The following SEMA3D variants were observed in gnomAD, a reference collection of about 807,000 sequenced individuals.
SEMA3D encodes semaphorin-3D.
SEMA3D carries 84 observed loss-of-function variants against 100.1 expected under a neutral mutation model. The observed-to-expected ratio is 0.84, with a 90% confidence interval of 0.70 to 1.01. The LOEUF is 1.01. SEMA3D is among the 50% of genes least tolerant of loss of function. The pLI is 0.00. For synonymous variants in SEMA3D, 312 were observed against 320.7 expected, an observed-to-expected ratio of 0.97 and a Z score of 0.29; for missense variants, 875 against 934.1, an observed-to-expected ratio of 0.94 and a Z score of 0.82.
intron 1 of SEMA3D, 40 bp downstream of exon 1, chr7:85,186,638 C>A (rs540828925): frequency 6.5e-6 from 1 of 152,710 alleles, no homozygotes; most frequent in Admixed American, 6.5e-5. Flanking sequence ...CTCCAGCACA[C>A]CCTCCCACTG....
intron 9 of SEMA3D, among the ~76,000 whole-genome samples, chr7:85,044,289 C>G (rs1292303708): frequency 6.6e-6 from 1 of 151,954 alleles, no homozygotes; most frequent in Non-Finnish European, 1.5e-5. Context: ...AGAAAGGAAA[C>G]CAGAGACCAG....
chr7:85,146,642 C>T lies in SEMA3D; in HGVS notation c.-41+6966G>A, dbSNP rs191207335. Among the ~76,000 whole-genome samples the T allele has an allele frequency of 1.0e-3, 159 of 151,430 alleles. 1 individual carries two copies. The highest frequency in any genetic ancestry group is 3.6e-3 in the African/African-American group (148 of 41,284). On this transcript the variant is annotated intron_variant, in intron 2 of 18. Transcript: ENST00000284136. ...GGTAAAAAGAAATAAGTCATATTTT[C>T]GAAAGAAAATAAAAACTAGCCTAAT...
At position 85,072,101 on chromosome 7, in the gene SEMA3D, A is replaced by T. The variant is rs573618114; in HGVS notation, c.495+861T>A. Among the ~76,000 whole-genome samples, 3 of 152,332 alleles carry T rather than the reference A, an allele frequency of 2.0e-5. No homozygotes were observed. The East Asian group carries it at 5.8e-4, about 29-fold the overall frequency. ...ACTGGCTTTATTAAGAGTGTTGTGA[A>T]ATTCCAAAGCAATAATCCATGTGAA... is the stretch of plus-strand genomic sequence containing the variant. On this transcript the variant is annotated intron_variant, in intron 6 of 18. Coordinates refer to ENST00000284136, the MANE Select transcript of SEMA3D (RefSeq NM_001384900.1).
chr7:85,174,204 G>C (rs1271090258), intron 1 of SEMA3D, among the ~76,000 whole-genome samples: 1 of 152,124 alleles, frequency 6.6e-6, no homozygotes, highest in Non-Finnish European at 1.5e-5. Flanking sequence ...GTTTGATACT[G>C]TAAGGATATG....
At chr7:85,225,819 T>G in the SEMA3D span, among the ~76,000 whole-genome samples, 1 of 152,158 alleles carries the variant, frequency 6.6e-6, no homozygotes. Flanking sequence ...CACTCCCCAT[T>G]GCATCCGGCC....
At chr7:85,120,987 T>C (rs770037392) in intron 3 of SEMA3D, among the ~76,000 whole-genome samples, 2 of 152,150 alleles carry the variant, frequency 1.3e-5, no homozygotes, top group Non-Finnish European at 2.9e-5. Context: ...GTCTATAAAA[T>C]GTGATCTTAA....
chr7:85,169,155 C>G (rs1482031047), intron 1 of SEMA3D, among the ~76,000 whole-genome samples: 1 of 151,644 alleles, frequency 6.6e-6, no homozygotes, highest in Non-Finnish European at 1.5e-5. Flanking sequence ...AATAAATATT[C>G]TGAAACTGAC....
intron 2 of SEMA3D, among the ~76,000 whole-genome samples, chr7:85,144,085 T>C (rs965438163): frequency 1.3e-5 from 2 of 152,156 alleles, no homozygotes; most frequent in African/African-American, 4.8e-5. Flanking sequence ...AATTCTTATA[T>C]ATTTAATCCA....
chr7:85,121,225 T>C (rs1789405326), intron 3 of SEMA3D, among the ~76,000 whole-genome samples: 1 of 152,194 alleles, frequency 6.6e-6, no homozygotes, highest in Non-Finnish European at 1.5e-5. Context: ...ATATCAAACA[T>C]TTAAAAACAA....
intron 11 of SEMA3D, among the ~76,000 whole-genome samples, chr7:85,040,231 G>C (rs1431729314): frequency 6.6e-6 from 1 of 151,744 alleles, no homozygotes; most frequent in African/African-American, 2.4e-5. Flanking sequence ...CCTCCCCTTG[G>C]ACTCCCAAAG....
the SEMA3D span, among the ~76,000 whole-genome samples, chr7:85,229,441 C>T: frequency 2.0e-4 from 30 of 152,034 alleles, no homozygotes; most frequent in Middle Eastern, 6.8e-3. Flanking sequence ...AAGAGCATTT[C>T]ATGAAATTAG....
rs752922884 is a variant in SEMA3D at position 85,147,092 on chromosome 7, C to CTTTTTTTTTTTTTTTTTTTTTTT, written c.-41+6493_-41+6515dup. Among the ~76,000 whole-genome samples, 26 of 48,156 alleles carry CTTTTTTTTTTTTTTTTTTTTTTT rather than the reference C, an allele frequency of 5.4e-4. 1 individual carries two copies. Among genetic ancestry groups the CTTTTTTTTTTTTTTTTTTTTTTT allele is most frequent in the African/African-American group, 1.1e-3 (11 of 10,288 alleles). 31.6% of individuals were successfully genotyped at this position (48,156 alleles called of 152,430 possible). On this transcript the variant is annotated intron_variant, in intron 2 of 18. Coordinates refer to ENST00000284136, the MANE Select transcript of SEMA3D (RefSeq NM_001384900.1). ...TCTTTCTTTCTTTTCTTTTTCTTTT[C>CTTTTTTTTTTTTTTTTTTTTTTT]TTTTTTTTTTTTTTTTTTTTTTTTT...
At chr7:85,013,923 C>T (rs1407450224) in intron 16 of SEMA3D, among the ~76,000 whole-genome samples, 1 of 151,746 alleles carries the variant, frequency 6.6e-6, no homozygotes, top group African/African-American at 2.4e-5. Context: ...TGTTTTTCAG[C>T]TTCTAGGAAA....
At chr7:85,097,513 CATTTCT>C (rs2116312736) in intron 4 of SEMA3D, among the ~76,000 whole-genome samples, 1 of 151,640 alleles carries the variant, frequency 6.6e-6, no homozygotes, top group East Asian at 2.0e-4. Flanking sequence ...TCAAACTTTC[CATTTCT>C]ATTATATGGC....
At chr7:85,182,733 T>C (rs1791439883) in intron 1 of SEMA3D, among the ~76,000 whole-genome samples, 1 of 152,192 alleles carries the variant, frequency 6.6e-6, no homozygotes, top group African/African-American at 2.4e-5. Context: ...TTATTGCCCA[T>C]AGTAAATCAT....
At chr7:85,009,194 C>CA (rs1789884182) in intron 17 of SEMA3D, among the ~76,000 whole-genome samples, 1 of 150,864 alleles carries the variant, frequency 6.6e-6, no homozygotes, top group African/African-American at 2.4e-5. Flanking sequence ...AGATTGCAGT[C>CA]AAAAAAATTT....
chr7:85,207,472 T>G, the SEMA3D span, among the ~76,000 whole-genome samples: 1 of 152,082 alleles, frequency 6.6e-6, no homozygotes, highest in Non-Finnish European at 1.5e-5. Flanking sequence ...AAAATGATAT[T>G]TTTTCAAAGT....
intron 2 of SEMA3D, among the ~76,000 whole-genome samples, chr7:85,147,081 C>CTTTTTTTTTTTTTTT (rs1357778775): frequency 1.5e-5 from 1 of 67,548 alleles, no homozygotes; most frequent in African/African-American, 6.5e-5. Flanking sequence ...TCTTTCTTTT[C>CTTTTTTTTTTTTTTT]TTTTTCTTTT....
At chr7:85,179,863 G>A (rs538845455) in intron 1 of SEMA3D, among the ~76,000 whole-genome samples, 19 of 152,024 alleles carry the variant, frequency 1.2e-4, no homozygotes, top group East Asian at 9.7e-4. Context: ...GGGTTTCACC[G>A]TGTTAGCCAA....
Sources: allele counts gnomAD v4.1 joint callset (sites outside exome capture counted in the v4.1 genomes callset), GRCh38; gene constraint gnomAD v4.1.1; transcripts MANE v1.5; gene names NCBI Gene and HGNC (gene_info 2026-07-23, HGNC 2026-07-21).